Variants in PDS5B observed in about 807,000 individuals in gnomAD.
The protein encoded by PDS5B is PDS5 cohesin associated factor B.
Under a neutral mutation model 184.1 loss-of-function variants are expected in PDS5B, and 51 were observed. That is an observed-to-expected ratio of 0.28 (90% CI 0.22 to 0.35). PDS5B has a LOEUF of 0.35. Among genes scored for constraint, PDS5B ranks in the 10% least tolerant of loss-of-function variants. The probability of loss-of-function intolerance (pLI) is 1.00; values close to 1 mark genes in which losing one functional copy is unlikely to be tolerated. For missense variants in PDS5B, 1,180 were observed against 1,723.3 expected (o/e 0.68, Z 5.58); for synonymous variants, 566 against 569.2 (o/e 0.99, Z 0.08).
At chr13:32,740,132 G>A (rs1393889596) in intron 21 of PDS5B, among the ~76,000 whole-genome samples, 1 of 152,072 alleles carries the variant, frequency 6.6e-6, no homozygotes, top group Non-Finnish European at 1.5e-5. Flanking sequence ...TCATTCTTCA[G>A]TACTGTTTTT....
At chr13:32,735,121 T>C in intron 20 of PDS5B, 51 bp from the exon 21 acceptor site, 1 of 1,101,824 alleles carries the variant, frequency 9.1e-7, no homozygotes, top group Non-Finnish European at 1.3e-6. Flanking sequence ...TGTAAACAGT[T>C]TATTTGTATA....
chr13:32,670,959 T>C (rs9591234), intron 7 of PDS5B, among the ~76,000 whole-genome samples: 1,909 of 152,304 alleles, frequency 0.013, 41 homozygotes, highest in African/African-American at 0.043. Flanking sequence ...TTAGGAGACA[T>C]TTGCTGTACA....
chr13:32,605,489 C>T (rs1041138280), intron 1 of PDS5B, among the ~76,000 whole-genome samples: 1 of 152,128 alleles, frequency 6.6e-6, no homozygotes, highest in Admixed American at 6.5e-5. Context: ...GCTTTACTTC[C>T]AACTATGTGG....
At chr13:32,710,635 G>A (rs193103328) in intron 19 of PDS5B, among the ~76,000 whole-genome samples, 2 of 152,296 alleles carry the variant, frequency 1.3e-5, no homozygotes, top group Admixed American at 6.5e-5. Context: ...ATAATCAGAA[G>A]AATAAATCTT....
At chr13:32,597,195 G>T (rs1472539337) in intron 1 of PDS5B, among the ~76,000 whole-genome samples, 3 of 151,356 alleles carry the variant, frequency 2.0e-5, no homozygotes, top group Admixed American at 6.6e-5. Flanking sequence ...CACCATGGCT[G>T]GCTCATTTTT....
chr13:32,751,745 G>A, intron 24 of PDS5B, among the ~76,000 whole-genome samples: 1 of 152,004 alleles, frequency 6.6e-6, no homozygotes, highest in East Asian at 1.9e-4. Flanking sequence ...TAGAGATTCT[G>A]GATATTAGAC....
chr13:32,697,981 C>T (rs1951756301), intron 15 of PDS5B, among the ~76,000 whole-genome samples: 1 of 152,124 alleles, frequency 6.6e-6, no homozygotes, highest in Non-Finnish European at 1.5e-5. Flanking sequence ...AGCCACGGTG[C>T]CTGGCCTATC....
chr13:32,775,398 T>A lies in PDS5B; in HGVS notation c.*346T>A. ...TTTAAACTGACAGTACCCGACTGTT[T>A]ATTGGATCTATTGATTTGAAAAGAA... is the stretch of plus-strand genomic sequence containing the variant. On this transcript the variant is annotated 3_prime_UTR_variant, in exon 35 of 35. Transcript: ENST00000315596. 3.1e-6 allele frequency: 1 copy of A among 323,822 alleles called. No homozygotes were observed. The highest frequency in any genetic ancestry group is 5.9e-6 in the Non-Finnish European group (1 of 169,658). The allele number at this position is 323,822 out of a possible 1,614,324, so 20.1% of individuals were successfully genotyped here.
At chr13:32,732,326 T>A (rs1287133524) in intron 20 of PDS5B, 102 bp downstream of exon 20, 1 of 767,936 alleles carries the variant, frequency 1.3e-6, no homozygotes, top group East Asian at 2.8e-5. Context: ...CATCATTTTG[T>A]AATATATTTT....
intron 3 of PDS5B, among the ~76,000 whole-genome samples, chr13:32,655,324 TC>T (rs1351950070): frequency 1.4e-5 from 2 of 140,480 alleles, no homozygotes; most frequent in Non-Finnish European, 3.0e-5. Flanking sequence ...CATACGTACA[TC>T]TTCTTTTGAA....
chr13:32,679,080 A>AT (rs1193182357), intron 10 of PDS5B, 151 bp downstream of exon 10: 15,290 of 361,094 alleles, frequency 0.042, 1 homozygote, highest in Middle Eastern at 0.057. Context: ...CTGAAGCTAG[A>AT]TTTTTTTTTT....
intron 23 of PDS5B, among the ~76,000 whole-genome samples, chr13:32,743,565 AAT>A (rs1159786261): frequency 6.6e-6 from 1 of 152,082 alleles, no homozygotes; most frequent in Non-Finnish European, 1.5e-5. Flanking sequence ...TGTGCTCCTT[AAT>A]ATATCTAAAG....
At chr13:32,750,909 G>T (rs968429895) in intron 24 of PDS5B, among the ~76,000 whole-genome samples, 2 of 149,198 alleles carry the variant, frequency 1.3e-5, no homozygotes, top group Non-Finnish European at 3.0e-5. Flanking sequence ...AGGTTCAGGG[G>T]TACATGTACA....
chr13:32,749,971 C>T (rs898931472), intron 24 of PDS5B, among the ~76,000 whole-genome samples: 6 of 152,076 alleles, frequency 3.9e-5, no homozygotes, highest in African/African-American at 1.4e-4. Context: ...TCACATTTAA[C>T]TTTTGTAATA....
At chr13:32,760,250 C>T (rs7988353) in intron 29 of PDS5B, among the ~76,000 whole-genome samples, 58,719 of 151,670 alleles carry the variant, frequency 0.39, 11,817 homozygotes, top group Non-Finnish European at 0.45. Flanking sequence ...CCACTGCACC[C>T]GGCCAAAAAA....
intron 1 of PDS5B, among the ~76,000 whole-genome samples, chr13:32,613,228 T>C (rs962062069): frequency 2.0e-5 from 3 of 152,254 alleles, no homozygotes; most frequent in African/African-American, 7.2e-5. Context: ...TTTGGACATA[T>C]ATGTTCTTTC....
At chr13:32,655,565 G>GT (rs941668308) in intron 3 of PDS5B, among the ~76,000 whole-genome samples, 4 of 150,734 alleles carry the variant, frequency 2.7e-5, no homozygotes, top group Non-Finnish European at 5.9e-5. Context: ...TAGTAGAGTG[G>GT]TTTTACCACG....
chr13:32,706,998 C>G lies in PDS5B; in HGVS notation c.1921C>G (p.Pro641Ala). The G allele has an allele frequency of 3.7e-6, 6 of 1,610,454 alleles. No individual in the cohort carries two copies. Among genetic ancestry groups the G allele is most frequent in the Non-Finnish European group, 5.1e-6 (6 of 1,178,272 alleles). Residue 641 changes from proline to alanine, a missense_variant, in exon 18 of 35, where the codon CCA becomes GCA. Pro to Ala is a conservative substitution (Grantham distance 27, BLOSUM62 -1). Around this residue, in one of 11 missense-constraint regions of PDS5B, gnomAD observed 475 missense variants for 691.5 expected, o/e 0.69. Coordinates refer to ENST00000315596, the MANE Select transcript of PDS5B (RefSeq NM_015032.4). ...GTADDEDEGV[P>A]TDQAIRAGLE... ...AGCAGATGATGAAGATGAGGGTGTT[C>G]CAACTGATCAAGCCATCAGAGCAGG...
chr13:32,629,556 T>G (rs1199908274), intron 1 of PDS5B, among the ~76,000 whole-genome samples: 1 of 152,236 alleles, frequency 6.6e-6, no homozygotes, highest in Non-Finnish European at 1.5e-5. Flanking sequence ...CCCATTAGGT[T>G]TCAGCGAGGA....
Sources: gnomAD v4.1 joint callset for allele counts (sites outside exome capture counted in the v4.1 genomes callset) on GRCh38, gnomAD v4.1.1 for gene constraint, gnomAD v4.1.1 regional missense constraint, MANE v1.5 for transcripts, NCBI Gene and HGNC (gene_info 2026-07-23, HGNC 2026-07-21) for gene names.